The following ATP9B variants were observed in gnomAD, a reference collection of about 807,000 sequenced individuals.
The protein encoded by ATP9B is ATPase phospholipid transporting 9B.
ATP9B carries 110 observed loss-of-function variants against 146.1 expected under a neutral mutation model. The ratio of observed to expected loss-of-function variants is 0.75; its 90% CI spans 0.65 to 0.88. The LOEUF is 0.88. Among genes scored for constraint, ATP9B ranks in the 40% least tolerant of loss-of-function variants. The pLI, the probability that ATP9B is intolerant of heterozygous loss-of-function variation, is 0.00. For missense variants in ATP9B, 1,499 were observed against 1,496.4 expected (o/e 1.00, Z -0.03); for synonymous variants, 604 against 569.7 (o/e 1.06, Z -0.86).
chr18:79,365,611 C>T (rs902924944), intron 26 of ATP9B, among the ~76,000 whole-genome samples: 2 of 152,278 alleles, frequency 1.3e-5, no homozygotes, highest in Non-Finnish European at 1.5e-5. Flanking sequence ...TTGTGCCCTT[C>T]AGCCAGTGGG....
At chr18:79,362,597 C>G (rs9953864) in intron 26 of ATP9B, 24,346 of 152,244 alleles carry the variant, frequency 0.16, 2,041 homozygotes, top group Admixed American at 0.2. Flanking sequence ...ACTCATCTCT[C>G]TCCTAACTCT....
chr18:79,332,290 G>A (rs1164894508), intron 17 of ATP9B, among the ~76,000 whole-genome samples: 2 of 152,164 alleles, frequency 1.3e-5, no homozygotes, highest in African/African-American at 2.4e-5. Flanking sequence ...TTAGCCGGGT[G>A]TGGTGGCGGG....
chr18:79,319,495 A>G (rs2096703350), intron 15 of ATP9B, among the ~76,000 whole-genome samples: 1 of 151,896 alleles, frequency 6.6e-6, no homozygotes, highest in Non-Finnish European at 1.5e-5. Context: ...ACGTGAGTGA[A>G]TAGAGGGAAC....
intron 7 of ATP9B, 143 bp from the exon 8 acceptor site, chr18:79,176,670 A>C: frequency 1.6e-6 from 1 of 632,926 alleles, no homozygotes; most frequent in Non-Finnish European, 2.7e-6. Context: ...AAAGTTTTTA[A>C]GGAGTTTTGT....
chr18:79,207,824 C>T (rs1039022721), intron 10 of ATP9B, among the ~76,000 whole-genome samples: 2 of 152,132 alleles, frequency 1.3e-5, no homozygotes, highest in East Asian at 1.9e-4. Context: ...TGGGGCAAGG[C>T]GGTTCCATAT....
chr18:79,241,859 T>C (rs1443332676), intron 11 of ATP9B, among the ~76,000 whole-genome samples: 2 of 152,214 alleles, frequency 1.3e-5, no homozygotes, highest in African/African-American at 4.8e-5. Context: ...TTGTGGAAGG[T>C]TGATGGCTCC....
At chr18:79,374,233 C>T (rs2097089905) in intron 28 of ATP9B, 132 bp downstream of exon 28, 1 of 1,062,660 alleles carries the variant, frequency 9.4e-7, no homozygotes, top group Non-Finnish European at 1.4e-6. Flanking sequence ...AGTGCCTGCT[C>T]TTACTGTCCC....
In ATP9B at chr18:79,140,227, C is replaced by T. The variant is rs527358016; in HGVS notation, c.668-3575C>T. Among the ~76,000 whole-genome samples the T allele has an allele frequency of 4.9e-4, 74 of 152,040 alleles. 2 individuals are homozygous for T. Among genetic ancestry groups the T allele is most frequent in the Middle Eastern group, 3.4e-3 (1 of 294 alleles). ...GCAGGGGCCGACAGAGATGGAGGAG[C>T]CAGCTGGTAAAGCCTGGCAGCTAAC... On this transcript the variant is annotated intron_variant, in intron 5 of 29. Coordinates refer to ENST00000426216, the MANE Select transcript of ATP9B (RefSeq NM_198531.5).
intron 3 of ATP9B, 67 bp downstream of exon 3, chr18:79,110,572 T>C (rs1242971671): frequency 2.1e-6 from 3 of 1,459,574 alleles, no homozygotes; most frequent in Non-Finnish European, 2.8e-6. Context: ...TGCTATAGGA[T>C]GGAGCCTGTT....
intron 15 of ATP9B, among the ~76,000 whole-genome samples, chr18:79,326,685 C>T (rs2096749077): frequency 6.6e-6 from 1 of 152,266 alleles, no homozygotes. Context: ...AAGGAAGCAG[C>T]TCTTCACACC....
chr18:79,308,713 T>TGA (rs2096633531), intron 15 of ATP9B, among the ~76,000 whole-genome samples: 2 of 12,126 alleles, frequency 1.6e-4, no homozygotes, highest in African/African-American at 2.9e-4. Flanking sequence ...TCAGGGGTGG[T>TGA]GGAGTGATCC....
chr18:79,274,507 T>A (rs907862373), intron 12 of ATP9B, among the ~76,000 whole-genome samples: 3 of 151,948 alleles, frequency 2.0e-5, no homozygotes, highest in Non-Finnish European at 4.4e-5. Context: ...TGGTAGTATA[T>A]GCATCCTATG....
chr18:79,326,792 C>T (rs1018330462), intron 15 of ATP9B, among the ~76,000 whole-genome samples: 9 of 152,332 alleles, frequency 5.9e-5, no homozygotes, highest in Admixed American at 1.3e-4. Context: ...GGTCTGCCCA[C>T]GAGTGCATGT....
chr18:79,267,437 T>C (rs1403375602), intron 12 of ATP9B, among the ~76,000 whole-genome samples: 2 of 152,110 alleles, frequency 1.3e-5, no homozygotes, highest in African/African-American at 4.8e-5. Flanking sequence ...ACTTATCTAT[T>C]TCCTCCTTGA....
chr18:79,303,486 G>A, intron 13 of ATP9B, 118 bp from the exon 14 acceptor site: 1 of 684,742 alleles, frequency 1.5e-6, no homozygotes, highest in Admixed American at 2.4e-5. Flanking sequence ...GTATTATACA[G>A]TTGGGCATCC....
At chr18:79,348,222 C>A (rs780988293) in intron 25 of ATP9B, 26 bp downstream of exon 25, 19 of 1,241,208 alleles carry the variant, frequency 1.5e-5, no homozygotes, top group Non-Finnish European at 2.2e-5. Flanking sequence ...AACCTGCCAG[C>A]TCATCCAGGG....
intron 11 of ATP9B, among the ~76,000 whole-genome samples, chr18:79,231,365 A>T (rs1264499923): frequency 6.6e-6 from 1 of 152,234 alleles, no homozygotes; most frequent in Non-Finnish European, 1.5e-5. Flanking sequence ...AAAAGAAGGT[A>T]TACAAATGGC....
chr18:79,151,885 G>A lies in ATP9B; in HGVS notation c.727-2619G>A, dbSNP rs2094696009. 2.6e-5 allele frequency among the ~76,000 whole-genome samples: 4 copies of A among 152,154 alleles called. No individual in the cohort carries two copies. The South Asian group carries it at 8.3e-4, about 32-fold the overall frequency. Reference sequence around the variant, plus strand: ...TATCCCTCCCCTAAACCCAGAGTGAGCAGGCAACCTACAGAATGGGAGAAA... The same window carrying A: ...TATCCCTCCCCTAAACCCAGAGTGAACAGGCAACCTACAGAATGGGAGAAA... On this transcript the variant is annotated intron_variant, in intron 6 of 29. Transcript: ENST00000426216.
chr18:79,200,294 C>T (rs142084349), intron 9 of ATP9B, among the ~76,000 whole-genome samples: 18 of 152,212 alleles, frequency 1.2e-4, no homozygotes, highest in South Asian at 4.2e-4. Flanking sequence ...ATGTTGTACA[C>T]GATTGTACCT....
Sources: allele counts gnomAD v4.1 joint callset (sites outside exome capture counted in the v4.1 genomes callset), GRCh38; gene constraint gnomAD v4.1.1; transcripts MANE v1.5; gene names NCBI Gene and HGNC (gene_info 2026-07-23, HGNC 2026-07-21).